APC2: variants seen among roughly 807,000 people sequenced by gnomAD.
APC2 encodes APC regulator of Wnt signaling pathway 2.
A neutral mutation model predicts 72.5 loss-of-function variants in APC2; 41 were observed. The observed-to-expected ratio is 0.57, with a 90% CI of 0.44 to 0.73. APC2 has a LOEUF of 0.73. Ranked by LOEUF, APC2 falls within the 30% of genes least tolerant of loss-of-function variation. APC2 has a pLI of 0.00. For missense variants in APC2, 3,729 were observed against 3,403.4 expected, an observed-to-expected ratio of 1.10 and a Z score of -2.38; for synonymous variants, 1,898 against 1,612.0, an observed-to-expected ratio of 1.18 and a Z score of -4.25.
In APC2 at chr19:1,468,468, G is replaced by C. The variant is rs202202490; in HGVS notation, c.5167G>C (p.Gly1723Arg). 993 of 1,600,940 alleles carry C rather than the reference G, an allele frequency of 6.2e-4. 12 individuals carry two copies. The highest frequency in any genetic ancestry group is 1.1e-4 in the Non-Finnish European group (133 of 1,175,384). Reference sequence around the variant, plus strand: ...CGACTCCATCCTGTCCTTCGTATCCGGGCTGTCAGTGGGATCCACCCTACA... The same window carrying C: ...CGACTCCATCCTGTCCTTCGTATCCCGGCTGTCAGTGGGATCCACCCTACA... The part of the protein sequence containing the change: ...ESDSILSFVS[G>R]LSVGSTLQPP... The change falls in exon 15 of 15, where the codon GGG becomes CGG. Residue 1723 changes from glycine (G) to arginine (R), a missense_variant. Gly to Arg is a moderately radical substitution (Grantham distance 125, BLOSUM62 -2). Coordinates refer to ENST00000590469, the MANE Select transcript of APC2 (RefSeq NM_005883.3).
intron 13 of APC2, chr19:1,461,578 C>A (rs918015205): frequency 2.3e-5 from 7 of 308,326 alleles, no homozygotes; most frequent in Non-Finnish European, 4.2e-5. Flanking sequence ...CTGGGCCGGG[C>A]GCGGTGGCTC....
rs760952101 is a variant in APC2, at chr19:1,466,580, T to C, written c.3279T>C (p.Ser1093=). The part of the protein sequence containing the change: ...GPSEGGDLDD[S]DSSLEGLEEA... ...GCGAGGGTGGTGACCTGGATGACAGTGACTCCTCCCTGGAGGGGCTGGAGG... is the reference window on the plus strand; with the variant it reads ...GCGAGGGTGGTGACCTGGATGACAGCGACTCCTCCCTGGAGGGGCTGGAGG... The change falls in exon 15 of 15, where the codon AGT becomes AGC. Residue 1093 remains serine, a synonymous_variant. Coordinates refer to ENST00000590469, the MANE Select transcript of APC2 (RefSeq NM_005883.3). 6.4e-7 allele frequency: 1 copy of C among 1,574,480 alleles called. No individual in the cohort carries two copies. The highest frequency in any genetic ancestry group is 1.1e-5 in the South Asian group (1 of 87,732).
At chr19:1,464,187 T>C (rs1018266804) in intron 14 of APC2, among the ~76,000 whole-genome samples, 14 of 152,114 alleles carry the variant, frequency 9.2e-5, no homozygotes, top group African/African-American at 3.4e-4. Flanking sequence ...TGGGTGCCTG[T>C]AATCCCACCT....
chr19:1,449,099 G>A (rs1432155448), upstream of APC2, among the ~76,000 whole-genome samples: 2 of 152,176 alleles, frequency 1.3e-5, no homozygotes, highest in African/African-American at 4.8e-5. Context: ...TGAATACTCG[G>A]ACCTTCCCAC....
chr19:1,450,528 C>T (rs1310978799), intron 1 of APC2, among the ~76,000 whole-genome samples, 190 bp downstream of exon 1: 2 of 152,218 alleles, frequency 1.3e-5, no homozygotes, highest in Non-Finnish European at 2.9e-5. Flanking sequence ...TGCGCACACA[C>T]CCACTCACGG....
chr19:1,467,772 G>C lies in APC2; in HGVS notation c.4471G>C (p.Gly1491Arg). ...GSKPGRTRGD[G>R]ALQSLCLTTP... Reference sequence around the variant, plus strand: ...AAAGCCCGGCCGGACCCGCGGGGACGGGGCGCTCCAGTCGCTGTGCCTCAC... The same window carrying C: ...AAAGCCCGGCCGGACCCGCGGGGACCGGGCGCTCCAGTCGCTGTGCCTCAC... The change falls in exon 15 of 15, where the codon GGG (glycine) becomes CGG (arginine). Residue 1491 changes from glycine to arginine, a missense_variant. By Grantham distance (125) the Gly-to-Arg change is moderately radical (BLOSUM62 -2). Transcript: ENST00000590469. 2.8e-6 allele frequency: 4 copies of C among 1,429,194 alleles called. No individual in the cohort carries two copies. Among genetic ancestry groups the C allele is most frequent in the South Asian group, 1.5e-5 (1 of 68,880 alleles). The allele number at this position is 1,429,194 out of a possible 1,614,324, so 88.5% of individuals were successfully genotyped here. A position where few individuals can be genotyped will look rare whatever the true frequency, so the allele number is the denominator to read the frequency against.
In APC2 at chr19:1,471,709, T is replaced by G. The variant is rs1024339286; in HGVS notation, c.*1496T>G. The G allele has an allele frequency of 6.6e-6, 1 of 152,256 alleles. No homozygotes were observed. The highest frequency in any genetic ancestry group is 6.5e-5 in the Admixed American group (1 of 15,270). The allele number at this position is 152,256 out of a possible 1,614,324, so 9.4% of individuals were successfully genotyped here. The stretch of plus-strand genomic sequence containing the variant: ...GGAGGAACGAAGCAGGGTTTGAGGG[T>G]TGGGTGGATGGAGCTCAGAAGGAAA... On this transcript the variant is annotated 3_prime_UTR_variant, in exon 15 of 15. Transcript: ENST00000590469.
chr19:1,456,636 A>G (rs2083831845), intron 8 of APC2, among the ~76,000 whole-genome samples: 1 of 152,098 alleles, frequency 6.6e-6, no homozygotes. Flanking sequence ...GTCCCCGTGG[A>G]GTCCCTTGGC....
intron 1 of APC2, chr19:1,451,449 G>A (rs8113441): frequency 0.19 from 29,212 of 152,452 alleles, 3,224 homozygotes; most frequent in Admixed American, 0.33. Context: ...GATCCCCACT[G>A]GAGACCTGAA....
In APC2 at chr19:1,467,116, T is replaced by A. The variant is rs1431404037; in HGVS notation, c.3815T>A (p.Phe1272Tyr). The A allele has an allele frequency of 6.3e-7, 1 of 1,597,456 alleles. No individual in the cohort carries two copies. The highest frequency in any genetic ancestry group is 2.2e-5 in the East Asian group (1 of 44,596). Residue 1272 changes from phenylalanine to tyrosine, a missense_variant, in exon 15 of 15, where the codon TTC becomes TAC. Phe to Tyr is a conservative substitution (Grantham distance 22, BLOSUM62 3). Transcript: ENST00000590469. ...RFTVEKPDEN[F>Y]SCASSLSALA... is the part of the protein sequence containing the mutation. ...ACCGTGGAGAAGCCAGACGAGAACT[T>A]CTCGTGCGCCTCCAGCCTCAGCGCG...
In APC2 at chr19:1,466,978, C is replaced by T. The variant is rs1196024474; in HGVS notation, c.3677C>T (p.Ala1226Val). ...LAPAPQGPPE[A>V]TQFSLQWESY... ...CCCGCGCCACAGGGTCCCCCCGAGG[C>T]CACCCAGTTCAGCCTGCAGTGGGAG... Residue 1226 changes from alanine (A) to valine (V), a missense_variant, in exon 15 of 15, where the codon GCC (alanine) becomes GTC (valine). Transcript: ENST00000590469. The T allele has an allele frequency of 6.2e-7, 1 of 1,607,382 alleles. No homozygotes were observed. Among genetic ancestry groups the T allele is most frequent in the South Asian group, 1.1e-5 (1 of 90,234 alleles).
Position 1,468,691 on chromosome 19 carries a change from C to T in APC2, c.5390C>T (p.Pro1797Leu). ...CGGGGACGAACAGTGATCTACGTCC[C>T]CAGCCCGGCACCCCGTGCCCAGCCC... is the stretch of plus-strand genomic sequence containing the variant. Reference protein sequence around the residue: ...VLRGRTVIYVPSPAPRAQPKG... With the variant: ...VLRGRTVIYVLSPAPRAQPKG... The change falls in exon 15 of 15, where the codon CCC becomes CTC. Residue 1797 changes from proline to leucine, a missense_variant. Physicochemically the swap from Pro to Leu is moderately conservative, Grantham distance 98. Transcript: ENST00000590469. The T allele has an allele frequency of 6.4e-7, 1 of 1,553,606 alleles. No individual in the cohort carries two copies. The highest frequency in any genetic ancestry group is 1.7e-4 in the Middle Eastern group (1 of 5,904).
rs751768530 is a variant in APC2, at chr19:1,467,980, C to A, written c.4679C>A (p.Pro1560Gln). The A allele has an allele frequency of 5.7e-6, 9 of 1,578,912 alleles. No homozygotes were observed. The highest frequency in any genetic ancestry group is 1.1e-5 in the South Asian group (1 of 88,992). ...APSKAAPAAP[P>Q]PARTQPSLIA... is the part of the protein sequence containing the mutation. Reference sequence around the variant, plus strand: ...TCCAAGGCTGCACCAGCTGCCCCGCCGCCCGCCCGGACCCAGCCCAGCCTC... The same window carrying A: ...TCCAAGGCTGCACCAGCTGCCCCGCAGCCCGCCCGGACCCAGCCCAGCCTC... The change falls in exon 15 of 15, where the codon CCG (proline) becomes CAG (glutamine). Residue 1560 changes from proline (P) to glutamine (Q), a missense_variant. Pro to Gln is a moderately conservative substitution (Grantham distance 76). Coordinates refer to ENST00000590469, the MANE Select transcript of APC2 (RefSeq NM_005883.3).
intron 7 of APC2, 50 bp downstream of exon 7, chr19:1,456,203 G>A: frequency 6.4e-7 from 1 of 1,553,138 alleles, no homozygotes; most frequent in Non-Finnish European, 8.7e-7. Flanking sequence ...GGCCCAGGCA[G>A]AACGGGGCTC....
At chr19:1,457,264 G>C (rs2145198898) in intron 9 of APC2, 21 bp downstream of exon 9, 2 of 1,496,764 alleles carry the variant, frequency 1.3e-6, no homozygotes, top group South Asian at 2.5e-5. Flanking sequence ...GGCCTGGTGG[G>C]CCCCCTCCGC....
At chr19:1,457,389 G>C (rs2083851453) in intron 9 of APC2, 146 bp downstream of exon 9, 3 of 1,229,344 alleles carry the variant, frequency 2.4e-6, no homozygotes, top group Middle Eastern at 2.9e-4. Context: ...GAGGCCTGTG[G>C]GGGCATTTGA....
chr19:1,461,424 C>A, intron 13 of APC2: 1 of 511,168 alleles, frequency 2.0e-6, no homozygotes, highest in Non-Finnish European at 3.5e-6. Flanking sequence ...AAAAAAACAG[C>A]CAGGCGTGGC....
chr19:1,461,156 G>T lies in APC2; in HGVS notation c.1638+3G>T. On this transcript the variant is annotated splice_donor_region_variant and intron_variant, in intron 13 of 14. Coordinates refer to ENST00000590469, the MANE Select transcript of APC2 (RefSeq NM_005883.3). ...AGTGTGTCCTGCGGGCCACCAAGGT[G>T]GGCACCCGGTGGGCGGCAGGGATGC... The T allele has an allele frequency of 6.2e-7, 1 of 1,608,150 alleles. No individual in the cohort carries two copies.
chr19:1,456,951 C>T lies in APC2; in HGVS notation c.915C>T (p.Cys305=), dbSNP rs542130614. Residue 305 remains cysteine (C), a synonymous_variant, in exon 9 of 15, where the codon TGC becomes TGT. Transcript: ENST00000590469. Reference sequence around the variant, plus strand: ...CCATGTCCAGCTCGCCCGAGAGCTGCGTGGCCATGCGCCGCTCGGGCTGTC... The same window carrying T: ...CCATGTCCAGCTCGCCCGAGAGCTGTGTGGCCATGCGCCGCTCGGGCTGTC... ...LLAMSSSPES[C]VAMRRSGCLP... is the part of the protein sequence containing the mutation. 476 of 1,547,832 alleles carry T rather than the reference C, an allele frequency of 3.1e-4. 3 individuals carry two copies. Among genetic ancestry groups the T allele is most frequent in the Middle Eastern group, 2.0e-3 (12 of 5,856 alleles).
Sources: gnomAD v4.1 joint callset for allele counts (sites outside exome capture counted in the v4.1 genomes callset) on GRCh38, gnomAD v4.1.1 for gene constraint, MANE v1.5 for transcripts, NCBI Gene and HGNC (gene_info 2026-07-23, HGNC 2026-07-21) for gene names.